LCMT1: variants seen among roughly 807,000 people sequenced by gnomAD.
LCMT1 encodes leucine carboxyl methyltransferase 1.
In LCMT1, 32 loss-of-function variants were observed where a neutral mutation model predicts 47.7. That is an observed-to-expected ratio of 0.67 (90% CI 0.51 to 0.90). The LOEUF is 0.90. Among genes scored for constraint, LCMT1 ranks in the 40% least tolerant of loss-of-function variants. The probability of loss-of-function intolerance (pLI) is 0.00; values close to 1 mark genes in which losing one functional copy is unlikely to be tolerated. For synonymous variants in LCMT1, 152 were observed against 149.7 expected, an observed-to-expected ratio of 1.02 and a Z score of -0.11; for missense variants, 375 against 415.2, an observed-to-expected ratio of 0.90 and a Z score of 0.84.
chr16:25,138,286 G>T (rs1254240837), intron 3 of LCMT1, among the ~76,000 whole-genome samples: 1 of 152,176 alleles, frequency 6.6e-6, no homozygotes, highest in African/African-American at 2.4e-5. Flanking sequence ...ACACAGCAGC[G>T]TGCAGCTTTG....
At chr16:25,136,057 C>T (rs12600171) in intron 3 of LCMT1, among the ~76,000 whole-genome samples, 33,298 of 146,136 alleles carry the variant, frequency 0.23, 3,860 homozygotes, top group East Asian at 0.33. Context: ...TGCCACTGCA[C>T]TCTAGCCTGG....
intron 4 of LCMT1, chr16:25,141,665 T>C (rs761281514): frequency 9.9e-5 from 15 of 152,190 alleles, no homozygotes; most frequent in Non-Finnish European, 1.9e-4. Flanking sequence ...TCTTGGTAAA[T>C]CTTTTGAACT....
chr16:25,147,278 A>C (rs1960890598), intron 4 of LCMT1: 1 of 152,338 alleles, frequency 6.6e-6, no homozygotes, highest in Non-Finnish European at 1.5e-5. Context: ...AGGGGAAAAC[A>C]GCCCTGGGCC....
chr16:25,176,618 G>A (rs1485309020), intron 10 of LCMT1, among the ~76,000 whole-genome samples: 3 of 114,002 alleles, frequency 2.6e-5, no homozygotes, highest in Non-Finnish European at 4.9e-5. Context: ...CTGGAGTGCA[G>A]TAGCATGATC....
intron 1 of LCMT1, among the ~76,000 whole-genome samples, chr16:25,116,053 A>G (rs1278439602): frequency 6.6e-6 from 1 of 152,122 alleles, no homozygotes; most frequent in East Asian, 1.9e-4. Context: ...CCAGAAACAC[A>G]CCTGTAGTTA....
chr16:25,112,818 A>G (rs1440449750), intron 1 of LCMT1, among the ~76,000 whole-genome samples: 1 of 152,132 alleles, frequency 6.6e-6, no homozygotes, highest in African/African-American at 2.4e-5. Context: ...CGGCAGTGCC[A>G]TTAGAGTTTG....
At chr16:25,142,346 C>T (rs949018804) in intron 4 of LCMT1, 3 of 152,136 alleles carry the variant, frequency 2.0e-5, no homozygotes, top group Non-Finnish European at 2.9e-5. Flanking sequence ...TTTTTTCCAC[C>T]CTTTTTGGTG....
chr16:25,129,587 CAT>C (rs1960291446), intron 2 of LCMT1, among the ~76,000 whole-genome samples: 1 of 152,156 alleles, frequency 6.6e-6, no homozygotes. Flanking sequence ...TTATTTTTCA[CAT>C]GTGTATTCCT....
At chr16:25,163,303 C>G (rs1220274348) in intron 6 of LCMT1, among the ~76,000 whole-genome samples, 2 of 152,044 alleles carry the variant, frequency 1.3e-5, no homozygotes. Flanking sequence ...CCCGTCTCTA[C>G]TACAAATACA....
At chr16:25,145,239 G>A (rs1377303655) in intron 4 of LCMT1, 1 of 152,130 alleles carries the variant, frequency 6.6e-6, no homozygotes, top group Admixed American at 6.5e-5. Flanking sequence ...GGCTGACCTT[G>A]TATCACCGCT....
At chr16:25,169,006 T>C in intron 7 of LCMT1, 106 bp from the exon 8 acceptor site, 1 of 786,368 alleles carries the variant, frequency 1.3e-6, no homozygotes, top group South Asian at 1.5e-5. Flanking sequence ...TGGGTGTGCG[T>C]CATCAAGCGT....
chr16:25,115,824 C>G (rs1959767057), intron 1 of LCMT1, among the ~76,000 whole-genome samples: 1 of 152,116 alleles, frequency 6.6e-6, no homozygotes, highest in Middle Eastern at 3.2e-3. Flanking sequence ...ACTACAGGTG[C>G]CTGCCACCAC....
At chr16:25,118,924 G>C (rs757406215) in intron 1 of LCMT1, among the ~76,000 whole-genome samples, 10 of 152,288 alleles carry the variant, frequency 6.6e-5, no homozygotes, top group African/African-American at 2.4e-4. Context: ...TCTCAGTGGG[G>C]TGGGAGCTGT....
rs55788453 is a variant in LCMT1, at chr16:25,125,838, GTAATAATAATAATAA to G, written c.114-2616_114-2602del. 21 of 154,734 alleles carry G rather than the reference GTAATAATAATAATAA, an allele frequency of 1.4e-4. No homozygotes were observed. The East Asian group carries it at 2.0e-3, about 15-fold the overall frequency. 9.6% of individuals were successfully genotyped at this position (154,734 alleles called of 1,614,324 possible). ...CAAGAGCAAAACTCCATCTCTAATAGTAATAATAATAATAATAATAATAATAATAATAATAGTTTT... is the reference window on the plus strand; with the variant it reads ...CAAGAGCAAAACTCCATCTCTAATAGTAATAATAATAATAATAATAGTTTT... On this transcript the variant is annotated intron_variant, in intron 1 of 10. Coordinates refer to ENST00000399069, the MANE Select transcript of LCMT1 (RefSeq NM_016309.3).
intron 1 of LCMT1, among the ~76,000 whole-genome samples, chr16:25,115,601 C>T (rs537876181): frequency 6.6e-6 from 1 of 152,312 alleles, no homozygotes; most frequent in Non-Finnish European, 1.5e-5. Context: ...TTTTCATTCT[C>T]AAGATAATAT....
chr16:25,139,487 G>A (rs191494073), intron 3 of LCMT1, among the ~76,000 whole-genome samples: 1 of 151,982 alleles, frequency 6.6e-6, no homozygotes, highest in African/African-American at 2.4e-5. Flanking sequence ...TCCAGCCTGG[G>A]TGACAGAGTG....
At chr16:25,164,926 A>G (rs1961541731) in intron 7 of LCMT1, among the ~76,000 whole-genome samples, 1 of 152,226 alleles carries the variant, frequency 6.6e-6, no homozygotes, top group African/African-American at 2.4e-5. Flanking sequence ...CTTCTGTCTT[A>G]GCCTTTACAA....
intron 4 of LCMT1, chr16:25,141,444 C>CAG (rs1960690851): frequency 6.6e-6 from 1 of 152,250 alleles, no homozygotes; most frequent in Non-Finnish European, 1.5e-5. Context: ...CTTCTGGGCT[C>CAG]AGGCAATCCT....
At chr16:25,151,213 A>C (rs1020135071) in intron 4 of LCMT1, among the ~76,000 whole-genome samples, 3 of 152,210 alleles carry the variant, frequency 2.0e-5, no homozygotes, top group African/African-American at 7.2e-5. Context: ...GAGATGGCCC[A>C]AAAAAACATT....
Sources: gnomAD v4.1 joint callset for allele counts (sites outside exome capture counted in the v4.1 genomes callset) on GRCh38, gnomAD v4.1.1 for gene constraint, MANE v1.5 for transcripts, NCBI Gene and HGNC (gene_info 2026-07-23, HGNC 2026-07-21) for gene names.